The following SLC35F1 variants were observed in gnomAD, a reference collection of about 807,000 sequenced individuals.
SLC35F1 encodes the protein solute carrier family 35 member F1.
In SLC35F1, 14 loss-of-function variants were observed where a neutral mutation model predicts 48.7. That is an observed-to-expected ratio of 0.29 (90% CI 0.19 to 0.45). SLC35F1 has a LOEUF of 0.45. SLC35F1 is among the 20% of genes least tolerant of loss of function. SLC35F1 has a pLI of 1.00. For missense variants in SLC35F1, 404 were observed against 500.0 expected (o/e 0.81, Z 1.83); for synonymous variants, 190 against 202.2 (o/e 0.94, Z 0.51).
At chr6:118,296,841 T>G (rs1487118608) in intron 7 of SLC35F1, among the ~76,000 whole-genome samples, 3 of 152,220 alleles carry the variant, frequency 2.0e-5, no homozygotes, top group Non-Finnish European at 2.9e-5. Flanking sequence ...GCCTGGCCGT[T>G]CAGTCGTATT....
chr6:117,950,130 A>G (rs1050606301), intron 1 of SLC35F1, among the ~76,000 whole-genome samples: 6 of 151,950 alleles, frequency 3.9e-5, no homozygotes, highest in African/African-American at 1.5e-4. Flanking sequence ...CTGGCCGTGG[A>G]TTATTCATTT....
At position 118,052,287 on chromosome 6, in the gene SLC35F1, T is replaced by C. The variant is rs540120197; in HGVS notation, c.174-102158T>C. 3.9e-5 allele frequency among the ~76,000 whole-genome samples: 6 copies of C among 152,250 alleles called. No homozygotes were observed. The East Asian group carries it at 1.2e-3, about 29-fold the overall frequency. On this transcript the variant is annotated intron_variant, in intron 1 of 7. Transcript: ENST00000360388. ...TTCCCCAGGTGTCGTTCACATACAATCTCAAACCACTAAAAGAATTTAAAA... is the reference window on the plus strand; with the variant it reads ...TTCCCCAGGTGTCGTTCACATACAACCTCAAACCACTAAAAGAATTTAAAA...
Position 117,928,757 on chromosome 6 carries a change from A to G in SLC35F1, c.173+20858A>G, listed in dbSNP as rs566887433. On this transcript the variant is annotated intron_variant, in intron 1 of 7. Transcript: ENST00000360388. ...GGAGAGCAGTTGCACAAGTCAATCA[A>G]GTATGCTAACAGCTTGCTTCAATGA... Among the ~76,000 whole-genome samples, 7 of 152,264 alleles carry G rather than the reference A, an allele frequency of 4.6e-5. No individual in the cohort carries two copies. In the South Asian group the frequency reaches 1.2e-3, roughly 27 times the overall value.
intron 1 of SLC35F1, among the ~76,000 whole-genome samples, chr6:118,142,711 G>A (rs2114445993): frequency 6.6e-6 from 1 of 152,190 alleles, no homozygotes; most frequent in Admixed American, 6.5e-5. Flanking sequence ...TCTAGCCCAT[G>A]CTGCAAAAAT....
chr6:118,225,434 C>T (rs1431881570), intron 2 of SLC35F1, among the ~76,000 whole-genome samples: 7 of 152,210 alleles, frequency 4.6e-5, no homozygotes, highest in African/African-American at 1.2e-4. Context: ...AACTGGTTAA[C>T]CATATGCAGA....
At chr6:118,013,457 T>G (rs1048393623) in intron 1 of SLC35F1, among the ~76,000 whole-genome samples, 5 of 152,184 alleles carry the variant, frequency 3.3e-5, no homozygotes, top group Non-Finnish European at 7.3e-5. Context: ...AACCACAATA[T>G]TTTCAATTTA....
At chr6:118,082,625 C>T (rs112045369) in intron 1 of SLC35F1, among the ~76,000 whole-genome samples, 2,355 of 151,918 alleles carry the variant, frequency 0.016, 29 homozygotes, top group Non-Finnish European at 0.023. Context: ...AAAAGTTGAG[C>T]CTTCTGGGAT....
At chr6:118,284,895 G>C (rs1776031067) in intron 6 of SLC35F1, among the ~76,000 whole-genome samples, 1 of 151,748 alleles carries the variant, frequency 6.6e-6, no homozygotes, top group South Asian at 2.1e-4. Context: ...CAAAAACCTT[G>C]ATTCTGTGTT....
intron 1 of SLC35F1, among the ~76,000 whole-genome samples, chr6:117,922,080 G>A (rs1200008334): frequency 6.6e-6 from 1 of 152,204 alleles, no homozygotes; most frequent in Non-Finnish European, 1.5e-5. Context: ...GAGCAAGCAT[G>A]TAAAGGCCGG....
intron 6 of SLC35F1, among the ~76,000 whole-genome samples, chr6:118,283,783 G>A (rs1389260638): frequency 6.6e-6 from 1 of 152,014 alleles, no homozygotes; most frequent in African/African-American, 2.4e-5. Context: ...TTAGTAGTTT[G>A]GTTAAAAGGA....
intron 1 of SLC35F1, among the ~76,000 whole-genome samples, chr6:118,089,786 T>G (rs1773046014): frequency 6.6e-6 from 1 of 152,210 alleles, no homozygotes; most frequent in African/African-American, 2.4e-5. Context: ...TGACAGGGCT[T>G]CATGTTAATA....
chr6:118,203,164 C>G (rs1054084308), intron 2 of SLC35F1, among the ~76,000 whole-genome samples: 1 of 152,222 alleles, frequency 6.6e-6, no homozygotes, highest in African/African-American at 2.4e-5. Context: ...ATATTCACTC[C>G]TAAGCTAGGC....
intron 1 of SLC35F1, among the ~76,000 whole-genome samples, chr6:117,997,376 C>G (rs1777010238): frequency 1.4e-5 from 2 of 147,590 alleles, no homozygotes; most frequent in South Asian, 4.7e-4. Flanking sequence ...GAGAACTTCC[C>G]CCATCTAGCA....
At chr6:118,091,279 C>T (rs1407920762) in intron 1 of SLC35F1, among the ~76,000 whole-genome samples, 1 of 152,094 alleles carries the variant, frequency 6.6e-6, no homozygotes, top group African/African-American at 2.4e-5. Flanking sequence ...TGTGTCCCCA[C>T]CCAAATCACA....
chr6:118,079,083 A>T (rs1478743328), intron 1 of SLC35F1, among the ~76,000 whole-genome samples: 3 of 152,204 alleles, frequency 2.0e-5, no homozygotes, highest in Non-Finnish European at 4.4e-5. Flanking sequence ...TTGTGTGTGT[A>T]CAATTCAATG....
intron 1 of SLC35F1, among the ~76,000 whole-genome samples, chr6:117,961,765 A>T (rs1776501487): frequency 1.3e-5 from 2 of 152,214 alleles, no homozygotes; most frequent in African/African-American, 4.8e-5. Flanking sequence ...GGAGAGATTT[A>T]TTTCTAGGGT....
At chr6:118,232,545 T>TC (rs1336860866) in intron 2 of SLC35F1, among the ~76,000 whole-genome samples, 2 of 64,700 alleles carry the variant, frequency 3.1e-5, no homozygotes, top group South Asian at 9.2e-4. Context: ...TGAAACTCCA[T>TC]CCCAAAAAAA....
intron 3 of SLC35F1, among the ~76,000 whole-genome samples, chr6:118,242,825 AT>A (rs1341251331): frequency 6.6e-6 from 1 of 152,200 alleles, no homozygotes; most frequent in African/African-American, 2.4e-5. Flanking sequence ...GGTAATTAAA[AT>A]TCACTCACGT....
intron 1 of SLC35F1, among the ~76,000 whole-genome samples, chr6:117,909,264 G>A (rs1432438837): frequency 4.6e-5 from 7 of 151,772 alleles, no homozygotes; most frequent in African/African-American, 1.2e-4. Context: ...ATATTATGTG[G>A]GTTTTGTATT....
Sources: gnomAD v4.1 joint callset for allele counts (sites outside exome capture counted in the v4.1 genomes callset) on GRCh38, gnomAD v4.1.1 for gene constraint, MANE v1.5 for transcripts, NCBI Gene and HGNC (gene_info 2026-07-23, HGNC 2026-07-21) for gene names.